CERS6: variants seen among roughly 807,000 people sequenced by gnomAD.
The protein encoded by CERS6 is LAG1 homolog, ceramide synthase 6.
A neutral mutation model predicts 56.8 loss-of-function variants in CERS6; 26 were observed. The observed-to-expected ratio is 0.46, with a 90% confidence interval of 0.34 to 0.63. The LOEUF (loss-of-function observed/expected upper bound fraction) is 0.63. Among genes scored for constraint, CERS6 ranks in the 30% least tolerant of loss-of-function variants. CERS6 has a pLI of 0.01. For synonymous variants in CERS6, 164 were observed against 173.3 expected (o/e 0.95, Z 0.42); for missense variants, 415 against 467.5 (o/e 0.89, Z 1.04).
chr2:168,600,735 G>C (rs1309948771), intron 3 of CERS6, among the ~76,000 whole-genome samples: 1 of 152,092 alleles, frequency 6.6e-6, no homozygotes, highest in Non-Finnish European at 1.5e-5. Context: ...ATTCTAGACT[G>C]TAAACATTCC....
intron 3 of CERS6, among the ~76,000 whole-genome samples, chr2:168,611,223 T>G (rs1684181578): frequency 6.6e-6 from 1 of 152,100 alleles, no homozygotes; most frequent in South Asian, 2.1e-4. Flanking sequence ...AACACTTGAG[T>G]TTGCATTCTT....
intron 1 of CERS6, among the ~76,000 whole-genome samples, chr2:168,524,168 T>G (rs1695030695): frequency 6.6e-6 from 1 of 152,204 alleles, no homozygotes; most frequent in South Asian, 2.1e-4. Context: ...GTGTGTTTTA[T>G]GCAAAAGGAA....
At chr2:168,513,847 AG>A (rs1044535026) in intron 1 of CERS6, among the ~76,000 whole-genome samples, 1 of 152,064 alleles carries the variant, frequency 6.6e-6, no homozygotes, top group Non-Finnish European at 1.5e-5. Flanking sequence ...ACTGGTTGCG[AG>A]GTGGAGCCGG....
intron 1 of CERS6, among the ~76,000 whole-genome samples, chr2:168,503,176 T>C (rs1371658912): frequency 6.6e-6 from 1 of 152,170 alleles, no homozygotes; most frequent in African/African-American, 2.4e-5. Flanking sequence ...CCATGTAAGA[T>C]GTGCCTACTT....
intron 1 of CERS6, among the ~76,000 whole-genome samples, chr2:168,540,659 G>A (rs915128258): frequency 3.9e-5 from 6 of 152,200 alleles, no homozygotes; most frequent in Non-Finnish European, 8.8e-5. Context: ...ATTGTTAAGT[G>A]ATGCATAACT....
At chr2:168,740,910 G>A (rs1213390512) in intron 8 of CERS6, among the ~76,000 whole-genome samples, 2 of 152,220 alleles carry the variant, frequency 1.3e-5, no homozygotes, top group Non-Finnish European at 2.9e-5. Context: ...GGTAGTGGTG[G>A]TAGACAGAAG....
Position 168,512,891 on chromosome 2 carries a change from C to A in CERS6, c.171-34705C>A, listed in dbSNP as rs536527734. On this transcript the variant is annotated intron_variant, in intron 1 of 9. Coordinates refer to ENST00000305747, the MANE Select transcript of CERS6 (RefSeq NM_203463.3). ...CCATGTTGGCCAGGCTGGTCTCGAA[C>A]TGCTGACCTCATGATCCTCCCACCT... 9.2e-5 allele frequency among the ~76,000 whole-genome samples: 14 copies of A among 152,270 alleles called. No individual in the cohort carries two copies. In the South Asian group the frequency reaches 2.7e-3, roughly 29 times the overall value.
At chr2:168,714,955 T>G in intron 6 of CERS6, 46 bp from the exon 7 acceptor site, 1 of 1,564,250 alleles carries the variant, frequency 6.4e-7, no homozygotes, top group Admixed American at 1.9e-5. Context: ...TAAATGGAAA[T>G]GTGATGTTGC....
intron 4 of CERS6, among the ~76,000 whole-genome samples, chr2:168,668,367 A>G (rs923110307): frequency 2.6e-5 from 4 of 152,026 alleles, no homozygotes; most frequent in African/African-American, 9.7e-5. Flanking sequence ...TCCATGGTCA[A>G]CAAGACAGCA....
intron 6 of CERS6, among the ~76,000 whole-genome samples, chr2:168,707,375 G>T (rs1028439214): frequency 7.2e-5 from 11 of 152,148 alleles, no homozygotes; most frequent in Non-Finnish European, 1.6e-4. Flanking sequence ...GAATTTTGGA[G>T]AAGGGAATAA....
chr2:168,752,325 A>T lies in CERS6; in HGVS notation c.846-13267A>T, dbSNP rs1684298537. 1.8e-5 allele frequency among the ~76,000 whole-genome samples: 2 copies of T among 112,514 alleles called. 1 individual carries two copies. The highest frequency in any genetic ancestry group is 8.5e-3 in the Middle Eastern group (2 of 236). 73.8% of individuals were successfully genotyped at this position (112,514 alleles called of 152,430 possible). ...TGTGTGTGTGTGTGTGTGTATAGAGAGAGAGAGAGAGAGGCTAAGTTTGAC... is the reference window on the plus strand; with the variant it reads ...TGTGTGTGTGTGTGTGTGTATAGAGTGAGAGAGAGAGAGGCTAAGTTTGAC... On this transcript the variant is annotated intron_variant, in intron 8 of 9. Transcript: ENST00000305747.
intron 3 of CERS6, among the ~76,000 whole-genome samples, chr2:168,608,105 T>G (rs1684097809): frequency 6.6e-6 from 1 of 152,222 alleles, no homozygotes; most frequent in African/African-American, 2.4e-5. Context: ...CGCAATAGAT[T>G]TGCCTTTTCA....
At chr2:168,515,251 A>ATT (rs951107853) in intron 1 of CERS6, among the ~76,000 whole-genome samples, 1 of 152,172 alleles carries the variant, frequency 6.6e-6, no homozygotes, top group African/African-American at 2.4e-5. Flanking sequence ...ACAATTATGT[A>ATT]TTTTTTGCCA....
At chr2:168,551,851 G>A (rs1011751270) in intron 2 of CERS6, among the ~76,000 whole-genome samples, 7 of 152,094 alleles carry the variant, frequency 4.6e-5, no homozygotes, top group Non-Finnish European at 1.0e-4. Context: ...TTCTTAACTG[G>A]TTATGTTGTT....
At chr2:168,496,670 A>G (rs937331863) in intron 1 of CERS6, among the ~76,000 whole-genome samples, 5 of 152,168 alleles carry the variant, frequency 3.3e-5, no homozygotes, top group Non-Finnish European at 7.3e-5. Flanking sequence ...TGAAAGTACA[A>G]CATAGAAGAT....
At chr2:168,493,212 T>A (rs995347722) in intron 1 of CERS6, among the ~76,000 whole-genome samples, 21 of 152,222 alleles carry the variant, frequency 1.4e-4, no homozygotes, top group Non-Finnish European at 2.9e-4. Flanking sequence ...AAAAATTTTT[T>A]TTCTTTCAGA....
intron 3 of CERS6, among the ~76,000 whole-genome samples, chr2:168,592,105 T>C (rs1276152426): frequency 6.6e-6 from 1 of 152,188 alleles, no homozygotes; most frequent in Non-Finnish European, 1.5e-5. Context: ...ATAAAATAAA[T>C]GCCCCAAATG....
chr2:168,509,179 A>G (rs1694733404), intron 1 of CERS6, among the ~76,000 whole-genome samples: 1 of 152,208 alleles, frequency 6.6e-6, no homozygotes, highest in Non-Finnish European at 1.5e-5. Context: ...ATTTGACCAA[A>G]TACTCCATTT....
At chr2:168,551,883 A>G (rs1426627706) in intron 2 of CERS6, among the ~76,000 whole-genome samples, 1 of 152,170 alleles carries the variant, frequency 6.6e-6, no homozygotes, top group Non-Finnish European at 1.5e-5. Context: ...TATATTCAGA[A>G]TTATCTGGGT....
Sources: allele counts gnomAD v4.1 joint callset (sites outside exome capture counted in the v4.1 genomes callset), GRCh38; gene constraint gnomAD v4.1.1; transcripts MANE v1.5; gene names NCBI Gene and HGNC (gene_info 2026-07-23, HGNC 2026-07-21).